The following CLIC5 variants were observed in gnomAD, a reference collection of about 807,000 sequenced individuals.
The protein encoded by CLIC5 is chloride intracellular channel protein 5.
A neutral mutation model predicts 24.7 loss-of-function variants in CLIC5; 20 were observed. That is an observed-to-expected ratio of 0.81 (90% CI 0.57 to 1.18). CLIC5 has a LOEUF of 1.18. Among genes scored for constraint, CLIC5 ranks in the 50% most tolerant of loss-of-function variants. The pLI is 0.00. For missense variants in CLIC5, 341 were observed against 326.1 expected, an observed-to-expected ratio of 1.05 and a Z score of -0.35; for synonymous variants, 159 against 135.6, an observed-to-expected ratio of 1.17 and a Z score of -1.20.
chr6:45,936,405 A>G (rs1359687380), intron 4 of CLIC5, among the ~76,000 whole-genome samples: 1 of 151,670 alleles, frequency 6.6e-6, no homozygotes, highest in Non-Finnish European at 1.5e-5. Context: ...GGGTTTTGTC[A>G]TGTTGGTCAG....
At chr6:46,057,017 C>A (rs945956860) in intron 1 of CLIC5, among the ~76,000 whole-genome samples, 3 of 152,148 alleles carry the variant, frequency 2.0e-5, no homozygotes, top group Non-Finnish European at 4.4e-5. Context: ...GAAGTTCTAC[C>A]TTCTAAATGG....
chr6:46,071,076 C>G (rs1270939181), intron 1 of CLIC5, among the ~76,000 whole-genome samples: 1 of 152,056 alleles, frequency 6.6e-6, no homozygotes, highest in Non-Finnish European at 1.5e-5. Flanking sequence ...AAAATCAACT[C>G]AAGATAGATT....
chr6:46,062,740 G>A (rs945607203), intron 1 of CLIC5, among the ~76,000 whole-genome samples: 2 of 152,176 alleles, frequency 1.3e-5, no homozygotes, highest in Non-Finnish European at 2.9e-5. Flanking sequence ...TCCTAGGTAC[G>A]CATCACAATT....
At chr6:46,061,214 G>A (rs546310883) in intron 1 of CLIC5, among the ~76,000 whole-genome samples, 9 of 150,966 alleles carry the variant, frequency 6.0e-5, no homozygotes, top group African/African-American at 1.2e-4. Flanking sequence ...TGTTTTAGAC[G>A]GAGTCTTGCT....
chr6:45,930,573 A>C (rs1222486020), intron 4 of CLIC5, among the ~76,000 whole-genome samples: 5 of 152,182 alleles, frequency 3.3e-5, no homozygotes, highest in Non-Finnish European at 7.3e-5. Context: ...GCCTTGAATA[A>C]ATCACATCAG....
intron 2 of CLIC5, among the ~76,000 whole-genome samples, chr6:45,953,640 G>A (rs1764543501): frequency 6.6e-6 from 1 of 151,608 alleles, no homozygotes; most frequent in Admixed American, 6.6e-5. Context: ...GGCTTCGGAT[G>A]CATCAAGTCC....
intron 4 of CLIC5, among the ~76,000 whole-genome samples, chr6:45,930,019 G>T (rs1403233274): frequency 6.6e-6 from 1 of 152,124 alleles, no homozygotes; most frequent in Non-Finnish European, 1.5e-5. Context: ...AAGGGGAGAA[G>T]GCATGAAGCG....
chr6:46,006,623 C>A (rs1341261706), intron 1 of CLIC5, among the ~76,000 whole-genome samples: 1 of 151,860 alleles, frequency 6.6e-6, no homozygotes, highest in East Asian at 1.9e-4. Context: ...CCTTGATCAC[C>A]TTGGCTAACT....
At chr6:46,095,462 C>T in the CLIC5 span, among the ~76,000 whole-genome samples, 1 of 152,174 alleles carries the variant, frequency 6.6e-6, no homozygotes, top group Non-Finnish European at 1.5e-5. Context: ...TTAGAAGCAG[C>T]CAGGTCACAT....
chr6:46,064,311 G>T (rs907010969), intron 1 of CLIC5, among the ~76,000 whole-genome samples: 1 of 151,896 alleles, frequency 6.6e-6, no homozygotes, highest in Non-Finnish European at 1.5e-5. Context: ...TTCCCACCAA[G>T]AAATCTCTAG....
intron 1 of CLIC5, among the ~76,000 whole-genome samples, chr6:46,069,697 A>G (rs760223832): frequency 2.6e-5 from 4 of 152,182 alleles, no homozygotes; most frequent in Non-Finnish European, 5.9e-5. Flanking sequence ...ATGGAAGAGG[A>G]AGGACTCCTC....
chr6:46,101,336 G>A, the CLIC5 span, among the ~76,000 whole-genome samples: 2 of 152,122 alleles, frequency 1.3e-5, no homozygotes, highest in Non-Finnish European at 2.9e-5. Context: ...TAACTAAGCA[G>A]GTAATTAAAA....
rs142273920 is a variant in CLIC5, at chr6:46,030,039, C to T, written c.540+49664G>A. 1.1e-3 allele frequency among the ~76,000 whole-genome samples: 166 copies of T among 152,228 alleles called. 1 individual carries two copies. The highest frequency in any genetic ancestry group is 6.8e-3 in the Middle Eastern group (2 of 294). On this transcript the variant is annotated intron_variant, in intron 1 of 5. Coordinates refer to the CLIC5 transcript ENST00000185206. ...GAAGGTCCCTGCCTTGAAATCCAGT[C>T]CCCTCCTGAATTCATTCATTCTCCA...
upstream of CLIC5, among the ~76,000 whole-genome samples, chr6:46,080,781 A>G (rs1320984511): frequency 1.3e-5 from 2 of 152,194 alleles, no homozygotes; most frequent in Non-Finnish European, 2.9e-5. Context: ...AATGAATTAC[A>G]TGCCCTGGTT....
At chr6:45,887,762 T>C (rs1762317774) in intron 6 of CLIC5, among the ~76,000 whole-genome samples, 1 of 152,188 alleles carries the variant, frequency 6.6e-6, no homozygotes, top group Non-Finnish European at 1.5e-5. Context: ...GATAATCTGG[T>C]ATGATGTAAC....
chr6:46,031,312 T>C (rs1238602559), intron 1 of CLIC5, among the ~76,000 whole-genome samples: 9 of 152,112 alleles, frequency 5.9e-5, no homozygotes, highest in Admixed American at 1.3e-4. Flanking sequence ...GGTGCCATAA[T>C]GAAAATAATA....
chr6:46,000,002 G>T (rs541907231), intron 1 of CLIC5, among the ~76,000 whole-genome samples: 2 of 25,714 alleles, frequency 7.8e-5, no homozygotes, highest in African/African-American at 1.7e-4. Context: ...CACCCGCCTC[G>T]GCCTCCCAAA....
At position 45,922,823 on chromosome 6, in the gene CLIC5, A is replaced by AAG. The variant is rs547902327; in HGVS notation, c.407-8416_407-8415dup. ...GAAGGGAGGAAGAGAGAGAGAGAGAAAGAGAGAGAGATAGAGAGAGAGAGA... is the reference window on the plus strand; with the variant it reads ...GAAGGGAGGAAGAGAGAGAGAGAGAAAGAGAGAGAGAGATAGAGAGAGAGAGA... On this transcript the variant is annotated intron_variant, in intron 4 of 5. Coordinates refer to ENST00000339561, the MANE Select transcript of CLIC5 (RefSeq NM_016929.5). 6.2e-4 allele frequency among the ~76,000 whole-genome samples: 87 copies of AAG among 140,710 alleles called. 1 individual carries two copies. The highest frequency in any genetic ancestry group is 9.9e-4 in the African/African-American group (36 of 36,434). 92.3% of individuals were successfully genotyped at this position (140,710 alleles called of 152,430 possible).
exon 1 of CLIC5, chr6:46,079,837 G>A: frequency 6.4e-7 from 1 of 1,552,198 alleles, no homozygotes; most frequent in East Asian, 2.4e-5. Context: ...GAAGGAGAAG[G>A]CAGATCTTCC....
Sources: gnomAD v4.1 joint callset for allele counts (sites outside exome capture counted in the v4.1 genomes callset) on GRCh38, gnomAD v4.1.1 for gene constraint, MANE v1.5 for transcripts, NCBI Gene and HGNC (gene_info 2026-07-23, HGNC 2026-07-21) for gene names.